FER: variants seen among roughly 807,000 people sequenced by gnomAD.
FER encodes tyrosine-protein kinase Fer.
In FER, 63 loss-of-function variants were observed where a neutral mutation model predicts 111.0. The observed-to-expected ratio is 0.57, with a 90% CI of 0.46 to 0.70. The LOEUF (loss-of-function observed/expected upper bound fraction) is 0.70. FER is among the 30% of genes least tolerant of loss of function. The pLI is 0.00. For synonymous variants in FER, 327 were observed against 313.9 expected (o/e 1.04, Z -0.44); for missense variants, 914 against 954.0 (o/e 0.96, Z 0.55).
At chr5:108,993,104 A>G (rs1763471807) in intron 13 of FER, among the ~76,000 whole-genome samples, 1 of 147,576 alleles carries the variant, frequency 6.8e-6, no homozygotes, top group Non-Finnish European at 1.5e-5. Flanking sequence ...ATGGGCGGCC[A>G]AGCAGAGAGG....
At chr5:108,978,684 C>T (rs1256653388) in intron 13 of FER, among the ~76,000 whole-genome samples, 2 of 152,182 alleles carry the variant, frequency 1.3e-5, no homozygotes, top group East Asian at 1.9e-4. Flanking sequence ...AATAAATATG[C>T]GTTGAGAGAA....
chr5:108,776,691 C>T (rs922992756), intron 2 of FER, among the ~76,000 whole-genome samples: 4 of 152,052 alleles, frequency 2.6e-5, no homozygotes, highest in Non-Finnish European at 5.9e-5. Context: ...GTAAATTAAA[C>T]TTCTGATTTT....
chr5:109,143,685 T>C lies in FER; in HGVS notation c.2049-37062T>C, dbSNP rs1005161339. On this transcript the variant is annotated intron_variant, in intron 17 of 19. Coordinates refer to ENST00000281092, the MANE Select transcript of FER (RefSeq NM_005246.4). ...CACTTATTTACTTGTTTATTTTTTG[T>C]CTTCCACCAATCTTTTTGTTTTGTT... is the stretch of plus-strand genomic sequence containing the variant. Among the ~76,000 whole-genome samples, 5 of 148,974 alleles carry C rather than the reference T, an allele frequency of 3.4e-5. No homozygotes were observed. In the South Asian group the frequency reaches 1.1e-3, roughly 32 times the overall value.
intron 13 of FER, among the ~76,000 whole-genome samples, chr5:108,993,707 A>C (rs1183313960): frequency 3.3e-5 from 5 of 150,850 alleles, no homozygotes; most frequent in Non-Finnish European, 7.4e-5. Context: ...CAAGTTGAGG[A>C]TGGTTCTTCT....
At chr5:109,047,454 T>C (rs1772146909) in intron 16 of FER, among the ~76,000 whole-genome samples, 2 of 152,242 alleles carry the variant, frequency 1.3e-5, no homozygotes, top group African/African-American at 4.8e-5. Context: ...AATTCAGTTA[T>C]ACATCTTTAT....
chr5:109,008,118 G>A (rs1205239353), intron 13 of FER, among the ~76,000 whole-genome samples: 1 of 152,062 alleles, frequency 6.6e-6, no homozygotes, highest in Non-Finnish European at 1.5e-5. Flanking sequence ...CAAACTAGTG[G>A]ATTAAAATTA....
At chr5:108,763,916 T>C (rs1295782391) in intron 1 of FER, among the ~76,000 whole-genome samples, 2 of 152,242 alleles carry the variant, frequency 1.3e-5, no homozygotes, top group Admixed American at 6.5e-5. Flanking sequence ...TAGGTACTTA[T>C]CATCATCTTT....
At chr5:108,940,269 A>G (rs1756076715) in intron 10 of FER, among the ~76,000 whole-genome samples, 1 of 152,100 alleles carries the variant, frequency 6.6e-6, no homozygotes, top group Non-Finnish European at 1.5e-5. Flanking sequence ...CATTTTAGTG[A>G]ATAACCATAA....
chr5:108,897,846 A>G lies in FER; in HGVS notation c.1234A>G (p.Met412Val), dbSNP rs33940843. ...AGAAGATGCACGATCAGTTACATCT[A>G]TGGTAAGCTAAAGAATAATCCAATG... ...YEEDARSVTS[M>V]ERKERLSKFE... The change falls in exon 10 of 20, where the codon ATG (methionine) becomes GTG (valine). Residue 412 changes from methionine to valine, a missense_variant and splice_region_variant. Met to Val is a conservative substitution (Grantham distance 21, BLOSUM62 1). Around this residue, in one of 3 missense-constraint regions of FER, gnomAD observed 774 missense variants for 782.6 expected, o/e 0.99. Coordinates refer to ENST00000281092, the MANE Select transcript of FER (RefSeq NM_005246.4). 3.8e-3 allele frequency: 6,180 copies of G among 1,605,814 alleles called. 209 individuals are homozygous for G. In the African/African-American group the frequency reaches 0.074, roughly 19 times the overall value.
chr5:108,801,231 G>A (rs1253543898), intron 3 of FER, among the ~76,000 whole-genome samples: 1 of 152,148 alleles, frequency 6.6e-6, no homozygotes, highest in Non-Finnish European at 1.5e-5. Context: ...ATACCCATTT[G>A]TTCTAACTTC....
chr5:108,871,298 C>CCTT, intron 6 of FER, 67 bp from the exon 7 acceptor site: 1 of 1,315,018 alleles, frequency 7.6e-7, no homozygotes, highest in Non-Finnish European at 1.1e-6. Flanking sequence ...TGTTCTGAAT[C>CCTT]CTTTTTGAGA....
At chr5:109,015,361 A>G (rs563976477) in intron 13 of FER, among the ~76,000 whole-genome samples, 6 of 152,246 alleles carry the variant, frequency 3.9e-5, no homozygotes, top group African/African-American at 1.4e-4. Flanking sequence ...TAGATAAATT[A>G]AAAATGGTTA....
intron 13 of FER, among the ~76,000 whole-genome samples, chr5:108,992,322 A>C (rs1581545458): frequency 1.3e-5 from 2 of 152,196 alleles, no homozygotes; most frequent in Admixed American, 1.3e-4. Flanking sequence ...TCTTTTCCCC[A>C]CCTTTACCCC....
At chr5:109,020,191 A>G (rs913320305) in intron 13 of FER, among the ~76,000 whole-genome samples, 7 of 151,956 alleles carry the variant, frequency 4.6e-5, no homozygotes, top group African/African-American at 1.2e-4. Context: ...TGAATTTCCA[A>G]TTTCCTGCAT....
intron 10 of FER, among the ~76,000 whole-genome samples, chr5:108,939,253 C>T (rs1278727175): frequency 2.0e-5 from 3 of 151,868 alleles, no homozygotes; most frequent in Admixed American, 2.0e-4. Context: ...GATTTCTTTT[C>T]CTATTAAAAT....
intron 16 of FER, among the ~76,000 whole-genome samples, chr5:109,099,152 A>G (rs1747895747): frequency 6.6e-6 from 1 of 151,600 alleles, no homozygotes; most frequent in Non-Finnish European, 1.5e-5. Flanking sequence ...TAGAGAACGT[A>G]TATTTTAATA....
intron 14 of FER, among the ~76,000 whole-genome samples, chr5:109,041,822 AGGAATGT>A (rs1771224426): frequency 6.6e-6 from 1 of 152,154 alleles, no homozygotes; most frequent in Non-Finnish European, 1.5e-5. Context: ...TGAGAGTTTC[AGGAATGT>A]GGGAGAGATA....
intron 18 of FER, among the ~76,000 whole-genome samples, chr5:109,183,756 C>A (rs1758549334): frequency 6.6e-6 from 1 of 151,998 alleles, no homozygotes; most frequent in African/African-American, 2.4e-5. Context: ...CACAGCGAGA[C>A]CCTGTCTCAA....
At chr5:109,180,124 G>A (rs998321015) in intron 17 of FER, among the ~76,000 whole-genome samples, 1 of 152,082 alleles carries the variant, frequency 6.6e-6, no homozygotes, top group Non-Finnish European at 1.5e-5. Flanking sequence ...AGTATGGATG[G>A]GATATATTAA....
Sources: gnomAD v4.1 joint callset for allele counts (sites outside exome capture counted in the v4.1 genomes callset) on GRCh38, gnomAD v4.1.1 for gene constraint, gnomAD v4.1.1 regional missense constraint, MANE v1.5 for transcripts, NCBI Gene and HGNC (gene_info 2026-07-23, HGNC 2026-07-21) for gene names.